GRM1: variants seen among roughly 807,000 people sequenced by gnomAD.
The protein encoded by GRM1 is glutamate metabotropic receptor 1, also known as metabotropic glutamate receptor 1.
GRM1 carries 33 observed loss-of-function variants against 90.9 expected under a neutral mutation model. The ratio of observed to expected loss-of-function variants is 0.36; its 90% CI spans 0.28 to 0.49. The LOEUF (loss-of-function observed/expected upper bound fraction) is 0.49, where lower values mean the gene tolerates loss of function less well. Ranked by LOEUF, GRM1 falls within the 20% of genes least tolerant of loss-of-function variation. The pLI, the probability that GRM1 is intolerant of heterozygous loss-of-function variation, is 0.99. For synonymous variants in GRM1, 700 were observed against 613.2 expected, an observed-to-expected ratio of 1.14 and a Z score of -2.09; for missense variants, 1,190 against 1,534.3, an observed-to-expected ratio of 0.78 and a Z score of 3.75.
chr6:146,253,601 T>G (rs1781376979), intron 2 of GRM1, among the ~76,000 whole-genome samples: 1 of 152,162 alleles, frequency 6.6e-6, no homozygotes, highest in African/African-American at 2.4e-5. Context: ...AGACCTTTGT[T>G]TCTTAAAATC....
intron 2 of GRM1, among the ~76,000 whole-genome samples, chr6:146,189,212 C>A (rs1471825348): frequency 6.6e-6 from 1 of 152,120 alleles, no homozygotes; most frequent in Non-Finnish European, 1.5e-5. Flanking sequence ...TTTTTCATTC[C>A]TCTTAAGCCT....
intron 2 of GRM1, among the ~76,000 whole-genome samples, chr6:146,187,021 TAAAGGGAAGAAG>T (rs1778759076): frequency 1.3e-5 from 2 of 152,160 alleles, no homozygotes; most frequent in Admixed American, 6.5e-5. Flanking sequence ...ACATGTGATT[TAAAGGGAAGAAG>T]AAATGCAATA....
intron 2 of GRM1, among the ~76,000 whole-genome samples, chr6:146,295,525 ACCAG>A (rs1163943445): frequency 6.6e-6 from 1 of 151,964 alleles, no homozygotes; most frequent in East Asian, 1.9e-4. Flanking sequence ...GAGCCACCAC[ACCAG>A]CCTATCCATT....
At chr6:146,231,143 T>A (rs1780438012) in intron 2 of GRM1, among the ~76,000 whole-genome samples, 1 of 152,132 alleles carries the variant, frequency 6.6e-6, no homozygotes, top group Non-Finnish European at 1.5e-5. Context: ...TGAATTCTAA[T>A]GTAAACTATA....
intron 1 of GRM1, among the ~76,000 whole-genome samples, chr6:146,058,770 C>CA (rs1270266117): frequency 1.3e-5 from 2 of 152,080 alleles, no homozygotes; most frequent in African/African-American, 4.8e-5. Context: ...GTAATGGTCT[C>CA]AATCATTTGT....
chr6:146,434,231 C>T lies in GRM1; in HGVS notation c.3020C>T (p.Pro1007Leu). Residue 1007 changes from proline to leucine, a missense_variant, in exon 8 of 8, where the codon CCA becomes CTA. By Grantham distance (98) the Pro-to-Leu change is moderately conservative. This residue lies in a region of GRM1 where 400 missense variants were observed against 360.8 expected (regional missense o/e 1.11). Coordinates refer to ENST00000282753, the MANE Select transcript of GRM1 (RefSeq NM_001278064.2). ...GAGACCCCCCTCTTCCTGGCCGAACCAGCCCTCCCCAAGGGCTTGCCCCCT... is the reference window on the plus strand; with the variant it reads ...GAGACCCCCCTCTTCCTGGCCGAACTAGCCCTCCCCAAGGGCTTGCCCCCT... ...AEETPLFLAE[P>L]ALPKGLPPPL... The T allele has an allele frequency of 1.9e-6, 3 of 1,604,986 alleles. No individual in the cohort carries two copies. The highest frequency in any genetic ancestry group is 2.6e-6 in the Non-Finnish European group (3 of 1,174,048).
chr6:146,040,474 G>A (rs553084447), intron 1 of GRM1, among the ~76,000 whole-genome samples: 86 of 152,098 alleles, frequency 5.7e-4, no homozygotes, highest in Admixed American at 1.8e-3. Flanking sequence ...AATTCCCTCA[G>A]TTTTTGTTTG....
intron 7 of GRM1, among the ~76,000 whole-genome samples, chr6:146,414,171 G>C (rs572216472): frequency 1.3e-4 from 20 of 152,256 alleles, no homozygotes; most frequent in African/African-American, 4.1e-4. Flanking sequence ...TACCAAGAAT[G>C]TATGAGACGC....
intron 5 of GRM1, among the ~76,000 whole-genome samples, chr6:146,377,595 T>C (rs1776152033): frequency 6.6e-6 from 1 of 152,114 alleles, no homozygotes; most frequent in Non-Finnish European, 1.5e-5. Flanking sequence ...AGCCTGATGA[T>C]GCATTAGAAA....
At chr6:146,247,838 TA>T (rs1191235413) in intron 2 of GRM1, among the ~76,000 whole-genome samples, 1 of 147,804 alleles carries the variant, frequency 6.8e-6, no homozygotes, top group Non-Finnish European at 1.5e-5. Context: ...ATATTATATG[TA>T]ATATAACCAT....
chr6:146,035,263 G>C (rs1322990145), intron 1 of GRM1, among the ~76,000 whole-genome samples: 1 of 151,914 alleles, frequency 6.6e-6, no homozygotes, highest in East Asian at 1.9e-4. Context: ...TGAAGGACAA[G>C]TAATGGAGAA....
intron 3 of GRM1, among the ~76,000 whole-genome samples, chr6:146,345,051 T>C (rs1785128626): frequency 6.6e-6 from 1 of 152,204 alleles, no homozygotes; most frequent in Non-Finnish European, 1.5e-5. Flanking sequence ...TCTCAGGTGA[T>C]CCACCCTCCT....
chr6:146,366,320 A>G (rs553607599), intron 5 of GRM1, among the ~76,000 whole-genome samples: 31 of 152,230 alleles, frequency 2.0e-4, no homozygotes, highest in African/African-American at 7.2e-4. Flanking sequence ...CTCCTCAAAT[A>G]TTTATCATTT....
intron 1 of GRM1, among the ~76,000 whole-genome samples, chr6:146,101,951 A>G (rs938246554): frequency 2.0e-5 from 3 of 151,936 alleles, no homozygotes; most frequent in Admixed American, 6.6e-5. Context: ...TAGAGCCACT[A>G]CTTTTACAAA....
At chr6:146,229,801 A>G (rs770623506) in intron 2 of GRM1, among the ~76,000 whole-genome samples, 4 of 152,192 alleles carry the variant, frequency 2.6e-5, no homozygotes, top group Non-Finnish European at 5.9e-5. Context: ...TGTTTATGCT[A>G]AGACTTATAT....
At chr6:146,296,295 A>G (rs1014299244) in intron 2 of GRM1, among the ~76,000 whole-genome samples, 4 of 152,162 alleles carry the variant, frequency 2.6e-5, no homozygotes, top group Non-Finnish European at 4.4e-5. Context: ...CTTTTAATTG[A>G]CAAATACTAA....
chr6:146,327,976 G>T (rs1784452621), intron 3 of GRM1, among the ~76,000 whole-genome samples: 1 of 152,148 alleles, frequency 6.6e-6, no homozygotes, highest in African/African-American at 2.4e-5. Context: ...CACAGGCAAG[G>T]ATGTGAGGCG....
chr6:146,267,958 T>C (rs973622100), intron 2 of GRM1, among the ~76,000 whole-genome samples: 5 of 152,156 alleles, frequency 3.3e-5, no homozygotes, highest in African/African-American at 9.7e-5. Context: ...AAGTCAGTAA[T>C]TGGATTGCTG....
At position 146,434,690 on chromosome 6, in the gene GRM1, C is replaced by G. The variant is rs1778538011; in HGVS notation, c.3479C>G (p.Ser1160Trp). The G allele has an allele frequency of 1.2e-6, 2 of 1,605,150 alleles. No homozygotes were observed. Among genetic ancestry groups the G allele is most frequent in the Non-Finnish European group, 1.7e-6 (2 of 1,179,856 alleles). The change falls in exon 8 of 8, where the codon TCG becomes TGG. Residue 1160 changes from serine to tryptophan, a missense_variant. Ser to Trp is a radical substitution (Grantham distance 177, BLOSUM62 -3). Coordinates refer to ENST00000282753, the MANE Select transcript of GRM1 (RefSeq NM_001278064.2). ...PFRDSVASGS[S>W]VPSSPVSESV... ...CGCGACTCGGTGGCCTCGGGCAGCTCGGTGCCCAGCTCCCCCGTGTCCGAG... is the reference window on the plus strand; with the variant it reads ...CGCGACTCGGTGGCCTCGGGCAGCTGGGTGCCCAGCTCCCCCGTGTCCGAG...
Sources: allele counts gnomAD v4.1 joint callset (sites outside exome capture counted in the v4.1 genomes callset), GRCh38; gene constraint gnomAD v4.1.1; regional missense constraint gnomAD v4.1.1; transcripts MANE v1.5; gene names NCBI Gene and HGNC (gene_info 2026-07-23, HGNC 2026-07-21).